Variants in EPHA6 observed in about 807,000 individuals in gnomAD.
EPHA6 encodes the protein EPH receptor A6, also known as ephrin type-A receptor 6.
In EPHA6, 50 loss-of-function variants were observed where a neutral mutation model predicts 112.0. The ratio of observed to expected loss-of-function variants is 0.45; its 90% confidence interval spans 0.36 to 0.56. The LOEUF is 0.56. Ranked by LOEUF, EPHA6 falls within the 20% of genes least tolerant of loss-of-function variation. The pLI is 0.00. For missense variants in EPHA6, 1,280 were observed against 1,417.4 expected (o/e 0.90, Z 1.56); for synonymous variants, 529 against 490.7 (o/e 1.08, Z -1.03).
chr3:97,193,942 G>T (rs2077373477), intron 3 of EPHA6, among the ~76,000 whole-genome samples: 1 of 151,852 alleles, frequency 6.6e-6, no homozygotes, highest in African/African-American at 2.4e-5. Flanking sequence ...ATATCACATT[G>T]GTTGATTTCA....
intron 3 of EPHA6, among the ~76,000 whole-genome samples, chr3:97,071,898 G>A (rs2046371086): frequency 1.3e-5 from 2 of 151,846 alleles, no homozygotes; most frequent in African/African-American, 2.4e-5. Flanking sequence ...AGTCCCCCAT[G>A]TCCTTTGTGT....
chr3:97,678,273 G>T (rs963176246), intron 14 of EPHA6, among the ~76,000 whole-genome samples: 1 of 152,182 alleles, frequency 6.6e-6, no homozygotes, highest in Non-Finnish European at 1.5e-5. Context: ...TGAAAATTGT[G>T]CAGAGGAAGA....
chr3:97,532,524 A>G lies in EPHA6; in HGVS notation c.2367A>G (p.Leu789=), dbSNP rs1421156152. 11 of 1,605,942 alleles carry G rather than the reference A, an allele frequency of 6.8e-6. 1 individual carries two copies. The South Asian group carries it at 1.1e-4, about 16-fold the overall frequency. Residue 789 remains leucine, a synonymous_variant, in exon 11 of 18, where the codon CTA becomes CTG. Coordinates refer to ENST00000389672, the MANE Select transcript of EPHA6 (RefSeq NM_001080448.3). ...GQFDHPNIIR[L]EGVVTKRSFP... ...TTGACCATCCAAACATCATTCGCCT[A>G]GAAGGGGTTGTCACCAAAAGTAAGT...
chr3:97,669,532 G>A (rs2030561651), intron 14 of EPHA6, among the ~76,000 whole-genome samples: 1 of 151,358 alleles, frequency 6.6e-6, no homozygotes, highest in Non-Finnish European at 1.5e-5. Context: ...TAGGCTGAGA[G>A]AGGAGGATTG....
chr3:97,544,490 TTGCCAGTA>T, intron 11 of EPHA6, among the ~76,000 whole-genome samples: 1 of 152,222 alleles, frequency 6.6e-6, no homozygotes, highest in Non-Finnish European at 1.5e-5. Context: ...TGGATTCGGT[TTGCCAGTA>T]TTTTACTGAG....
intron 11 of EPHA6, among the ~76,000 whole-genome samples, chr3:97,546,710 C>T (rs185392287): frequency 4.3e-4 from 66 of 152,180 alleles, no homozygotes; most frequent in Admixed American, 6.5e-4. Flanking sequence ...ACCAATCAGA[C>T]GTAGATTTCG....
intron 13 of EPHA6, among the ~76,000 whole-genome samples, chr3:97,614,608 T>C (rs1259793448): frequency 1.3e-5 from 2 of 151,676 alleles, no homozygotes; most frequent in East Asian, 3.9e-4. Context: ...TGCCTTGGCC[T>C]TCCAAAGTGC....
chr3:97,484,700 A>G (rs2091653437), intron 10 of EPHA6, among the ~76,000 whole-genome samples: 1 of 152,194 alleles, frequency 6.6e-6, no homozygotes, highest in Non-Finnish European at 1.5e-5. Context: ...CCCAAGGTGA[A>G]TAGTCCATGC....
At chr3:96,954,612 T>G (rs1187924791) in intron 2 of EPHA6, among the ~76,000 whole-genome samples, 1 of 152,136 alleles carries the variant, frequency 6.6e-6, no homozygotes, top group Non-Finnish European at 1.5e-5. Context: ...ACTCCCTCAT[T>G]CACTCATGGC....
At chr3:97,518,693 A>C (rs1167102718) in intron 10 of EPHA6, among the ~76,000 whole-genome samples, 1 of 152,062 alleles carries the variant, frequency 6.6e-6, no homozygotes, top group East Asian at 1.9e-4. Context: ...GTAAGATGAT[A>C]TCTCTTTGGG....
chr3:97,633,877 A>G (rs934290131), intron 13 of EPHA6, among the ~76,000 whole-genome samples: 9 of 152,146 alleles, frequency 5.9e-5, no homozygotes, highest in African/African-American at 1.9e-4. Flanking sequence ...GCTATACCTC[A>G]TGTATGAATA....
intron 14 of EPHA6, among the ~76,000 whole-genome samples, chr3:97,691,988 T>C (rs1452149304): frequency 6.6e-6 from 1 of 152,212 alleles, no homozygotes; most frequent in East Asian, 1.9e-4. Context: ...ATTTTCATGC[T>C]TTGACCAACA....
intron 3 of EPHA6, among the ~76,000 whole-genome samples, chr3:97,136,306 T>G (rs139237242): frequency 6.6e-6 from 1 of 152,128 alleles, no homozygotes; most frequent in Non-Finnish European, 1.5e-5. Context: ...AAATGAGAGA[T>G]GTAATTTTAA....
chr3:97,327,170 A>C (rs935671354), intron 5 of EPHA6, among the ~76,000 whole-genome samples: 1 of 152,054 alleles, frequency 6.6e-6, no homozygotes, highest in Non-Finnish European at 1.5e-5. Context: ...TAAACAGTAA[A>C]TTACATTATG....
At chr3:97,313,721 ATTGT>A (rs1399776631) in intron 5 of EPHA6, among the ~76,000 whole-genome samples, 1 of 151,556 alleles carries the variant, frequency 6.6e-6, no homozygotes, top group Admixed American at 6.6e-5. Flanking sequence ...TCATTTTAAA[ATTGT>A]TTGTTTTCTT....
chr3:97,126,504 A>C (rs568057405), intron 3 of EPHA6, among the ~76,000 whole-genome samples: 1 of 152,318 alleles, frequency 6.6e-6, no homozygotes, highest in Admixed American at 6.5e-5. Context: ...CCACAAAACT[A>C]CTTCCAAATA....
intron 1 of EPHA6, among the ~76,000 whole-genome samples, chr3:96,838,598 T>C (rs1249189422): frequency 6.6e-6 from 1 of 152,084 alleles, no homozygotes; most frequent in Non-Finnish European, 1.5e-5. Context: ...AGAATAATTA[T>C]AATTTTCTAT....
chr3:97,050,888 A>G (rs1303762985), intron 3 of EPHA6, among the ~76,000 whole-genome samples: 1 of 152,186 alleles, frequency 6.6e-6, no homozygotes, highest in Non-Finnish European at 1.5e-5. Context: ...TAAAGTAGAG[A>G]TAAAAATGTG....
intron 11 of EPHA6, among the ~76,000 whole-genome samples, chr3:97,554,201 A>C (rs2093070115): frequency 6.6e-6 from 1 of 152,136 alleles, no homozygotes; most frequent in Non-Finnish European, 1.5e-5. Context: ...AAGTATAAGA[A>C]GTGAAAATAC....
Sources: gnomAD v4.1 joint callset for allele counts (sites outside exome capture counted in the v4.1 genomes callset) on GRCh38, gnomAD v4.1.1 for gene constraint, MANE v1.5 for transcripts, NCBI Gene and HGNC (gene_info 2026-07-23, HGNC 2026-07-21) for gene names.